Variants in HYDIN observed in about 807,000 individuals in gnomAD.
HYDIN encodes axonemal central pair apparatus protein HYDIN.
HYDIN carries 132 observed loss-of-function variants against 403.9 expected under a neutral mutation model. The ratio of observed to expected loss-of-function variants is 0.33; its 90% CI spans 0.28 to 0.38. The LOEUF (loss-of-function observed/expected upper bound fraction) is 0.38, where lower values mean the gene tolerates loss of function less well. Ranked by LOEUF, HYDIN falls within the 10% of genes least tolerant of loss-of-function variation. The pLI is 1.00. For synonymous variants in HYDIN, 1,202 were observed against 1,891.7 expected (o/e 0.64, Z 9.46); for missense variants, 2,827 against 5,009.5 (o/e 0.56, Z 13.15).
chr16:70,859,306 C>T (rs974907919), intron 71 of HYDIN, among the ~76,000 whole-genome samples: 2 of 151,582 alleles, frequency 1.3e-5, no homozygotes, highest in African/African-American at 4.8e-5. Context: ...GTCTCAAAAA[C>T]AAAAACAAAA....
intron 7 of HYDIN, among the ~76,000 whole-genome samples, chr16:71,139,660 A>G (rs2085091708): frequency 1.3e-5 from 2 of 152,014 alleles, no homozygotes; most frequent in African/African-American, 4.8e-5. Flanking sequence ...ATGACAAATT[A>G]GTGAAATGGG....
chr16:71,051,645 C>CAAAAAAAAA (rs56676777), intron 18 of HYDIN, among the ~76,000 whole-genome samples: 30 of 120,126 alleles, frequency 2.5e-4, no homozygotes, highest in African/African-American at 6.7e-4. Flanking sequence ...GACTCTGTCT[C>CAAAAAAAAA]AAAAAAAAAA....
At chr16:71,078,407 A>C (rs1231955683) in intron 13 of HYDIN, among the ~76,000 whole-genome samples, 1 of 152,216 alleles carries the variant, frequency 6.6e-6, no homozygotes, top group South Asian at 2.1e-4. Flanking sequence ...TTTTTAAAGA[A>C]GTTGTATATA....
chr16:70,879,434 G>A lies in HYDIN; in HGVS notation c.10420C>T (p.Leu3474Phe), dbSNP rs769575906. 3 of 1,612,198 alleles carry A rather than the reference G, an allele frequency of 1.9e-6. No individual in the cohort carries two copies. The highest frequency in any genetic ancestry group is 1.1e-5 in the South Asian group (1 of 90,814). Residue 3474 changes from leucine to phenylalanine, a missense_variant, in exon 62 of 86, where the codon CTC becomes TTC. By Grantham distance (22) the Leu-to-Phe change is conservative. Transcript: ENST00000393567. ...LVFDIAGEGN[L>F]PRVTVVRPVL... ...GGCCGCACAACCGTCACTCGAGGGA[G>A]GTTCCCCTCACCAGCGATGTCAAAC...
intron 58 of HYDIN, among the ~76,000 whole-genome samples, chr16:70,885,664 G>A (rs2041083913): frequency 6.6e-6 from 1 of 151,676 alleles, no homozygotes; most frequent in Non-Finnish European, 1.5e-5. Context: ...GAGAGGATAA[G>A]TTCATTGCAA....
chr16:70,926,980 A>G (rs371944255), intron 45 of HYDIN, among the ~76,000 whole-genome samples: 2,618 of 152,288 alleles, frequency 0.017, 76 homozygotes, highest in African/African-American at 0.06. Context: ...AAAAAGCACA[A>G]CGGACATATA....
At position 70,858,984 on chromosome 16, in the gene HYDIN, T is replaced by C. The variant is rs545559497; in HGVS notation, c.12129+1084A>G. 1.5e-3 allele frequency among the ~76,000 whole-genome samples: 230 copies of C among 150,600 alleles called. 1 individual carries two copies. Among genetic ancestry groups the C allele is most frequent in the East Asian group, 7.4e-3 (38 of 5,152 alleles). ...AAAAAAAATGAACTAGCTACCAGCA[T>C]GTAAAATAGGGCTTCACATAGAACT... On this transcript the variant is annotated intron_variant, in intron 71 of 85. Transcript: ENST00000393567.
At chr16:70,968,694 A>G (rs1047322032) in intron 36 of HYDIN, among the ~76,000 whole-genome samples, 1 of 152,166 alleles carries the variant, frequency 6.6e-6, no homozygotes, top group Non-Finnish European at 1.5e-5. Context: ...AACAAAATTT[A>G]AATAAGGTCC....
At chr16:70,939,277 A>G (rs1408595982) in intron 43 of HYDIN, among the ~76,000 whole-genome samples, 1 of 152,222 alleles carries the variant, frequency 6.6e-6, no homozygotes, top group Admixed American at 6.5e-5. Flanking sequence ...CCCTGCTGAG[A>G]AAAGTCCGGA....
intron 41 of HYDIN, among the ~76,000 whole-genome samples, chr16:70,944,756 T>C (rs2077796978): frequency 6.6e-6 from 1 of 152,206 alleles, no homozygotes; most frequent in South Asian, 2.1e-4. Context: ...TTTATATTTA[T>C]TTTATTATAT....
At chr16:71,028,720 C>T (rs922339863) in intron 19 of HYDIN, among the ~76,000 whole-genome samples, 2 of 151,922 alleles carry the variant, frequency 1.3e-5, no homozygotes, top group Admixed American at 6.6e-5. Flanking sequence ...TAAGTTGAAC[C>T]ATGAAATAAA....
At chr16:71,127,719 C>T (rs1478909697) in intron 9 of HYDIN, among the ~76,000 whole-genome samples, 3 of 152,228 alleles carry the variant, frequency 2.0e-5, no homozygotes, top group African/African-American at 4.8e-5. Flanking sequence ...CAGCTGGGAA[C>T]AGTCTTGGAC....
intron 3 of HYDIN, among the ~76,000 whole-genome samples, chr16:71,181,280 C>T (rs1790084218): frequency 6.7e-6 from 1 of 150,148 alleles, no homozygotes; most frequent in South Asian, 2.1e-4. Flanking sequence ...CAAGAATAGA[C>T]AAGATACATT....
chr16:71,093,778 G>A lies in HYDIN; in HGVS notation c.1446+39C>T, dbSNP rs765769787. 15 of 1,600,768 alleles carry A rather than the reference G, an allele frequency of 9.4e-6. No homozygotes were observed. In the Middle Eastern group the frequency reaches 5.0e-4, roughly 53 times the overall value. Reference sequence around the variant, plus strand: ...AGATAAAACAAACCCCAAAAGCCAAGTACTGTTTGAAGTATCAACGAACAA... The same window carrying A: ...AGATAAAACAAACCCCAAAAGCCAAATACTGTTTGAAGTATCAACGAACAA... On this transcript the variant is annotated intron_variant, in intron 11 of 85. Coordinates refer to ENST00000393567, the MANE Select transcript of HYDIN (RefSeq NM_001270974.2).
intron 58 of HYDIN, among the ~76,000 whole-genome samples, chr16:70,886,514 T>G (rs2041149290): frequency 6.6e-6 from 1 of 152,154 alleles, no homozygotes; most frequent in African/African-American, 2.4e-5. Context: ...ACCATGTTTT[T>G]TTCTTCCTTG....
Position 71,021,819 on chromosome 16 carries a change from CTT to C in HYDIN, c.3187-1504_3187-1503del, listed in dbSNP as rs1365977905. 3.3e-5 allele frequency among the ~76,000 whole-genome samples: 5 copies of C among 152,260 alleles called. No homozygotes were observed. The East Asian group carries it at 9.7e-4, about 29-fold the overall frequency. ...TCAGTTAAGCCCTCCTAATTTCATA[CTT>C]TGATATGACTCTGTCTTCCAGTTCT... On this transcript the variant is annotated intron_variant, in intron 21 of 85. Coordinates refer to ENST00000393567, the MANE Select transcript of HYDIN (RefSeq NM_001270974.2).
chr16:71,193,577 C>A (rs2087542282), intron 1 of HYDIN, among the ~76,000 whole-genome samples: 1 of 152,186 alleles, frequency 6.6e-6, no homozygotes, highest in South Asian at 2.1e-4. Flanking sequence ...CACAAAATTC[C>A]TTTTCTGTAG....
At chr16:70,882,032 T>A (rs1597211362) in intron 60 of HYDIN, among the ~76,000 whole-genome samples, 1 of 152,378 alleles carries the variant, frequency 6.6e-6, no homozygotes, top group African/African-American at 2.4e-5. Flanking sequence ...GGCAGCCCCC[T>A]GAGATGGGCA....
intron 62 of HYDIN, 37 bp from the exon 63 acceptor site, chr16:70,874,956 C>T (rs756583597): frequency 1.1e-5 from 17 of 1,512,164 alleles, no homozygotes; most frequent in Non-Finnish European, 1.4e-5. Context: ...GCTAGGCTTA[C>T]AGGCTGCTCA....
Sources: allele counts gnomAD v4.1 joint callset (sites outside exome capture counted in the v4.1 genomes callset), GRCh38; gene constraint gnomAD v4.1.1; transcripts MANE v1.5; gene names NCBI Gene and HGNC (gene_info 2026-07-23, HGNC 2026-07-21).